ADAMTSL1: variants seen among roughly 807,000 people sequenced by gnomAD.
The protein encoded by ADAMTSL1 is ADAMTS-like protein 1.
In ADAMTSL1, 126 loss-of-function variants were observed where a neutral mutation model predicts 201.8. The observed-to-expected ratio is 0.62, with a 90% CI of 0.54 to 0.72. The LOEUF is 0.72. Ranked by LOEUF, ADAMTSL1 falls within the 30% of genes least tolerant of loss-of-function variation. The pLI is 0.00. For missense variants in ADAMTSL1, 2,679 were observed against 2,277.8 expected (o/e 1.18, Z -3.59); for synonymous variants, 1,121 against 903.4 (o/e 1.24, Z -4.32).
At chr9:18,478,605 C>T (rs866384826) in intron 1 of ADAMTSL1, among the ~76,000 whole-genome samples, 4 of 152,182 alleles carry the variant, frequency 2.6e-5, no homozygotes, top group African/African-American at 7.2e-5. Context: ...AGGAATGACA[C>T]GCTCTCAGGT....
chr9:17,955,977 A>G (rs1056368228), intron 1 of ADAMTSL1, among the ~76,000 whole-genome samples: 6 of 152,178 alleles, frequency 3.9e-5, no homozygotes, highest in Non-Finnish European at 8.8e-5. Context: ...ATTTTTTAAA[A>G]CAAATCTGAA....
rs146532022 is a variant in ADAMTSL1, at chr9:17,966,691, C to T, written c.87+59769C>T. On this transcript the variant is annotated intron_variant, in intron 1 of 29. Transcript: ENST00000680146. ...CAATTATCTGTGAAAAAATAAAGGCCGATTGGCCTTAATATTTATATCTCT... is the reference window on the plus strand; with the variant it reads ...CAATTATCTGTGAAAAAATAAAGGCTGATTGGCCTTAATATTTATATCTCT... Among the ~76,000 whole-genome samples, 1,045 of 152,130 alleles carry T rather than the reference C, an allele frequency of 6.9e-3. 16 individuals are homozygous for T. Among genetic ancestry groups the T allele is most frequent in the African/African-American group, 0.024 (991 of 41,516 alleles).
At chr9:18,839,267 A>T (rs903421279) in intron 23 of ADAMTSL1, among the ~76,000 whole-genome samples, 34 of 142,852 alleles carry the variant, frequency 2.4e-4, no homozygotes, top group Admixed American at 2.3e-3. Flanking sequence ...CCCACCTATG[A>T]GTGAGAACAT....
intron 3 of ADAMTSL1, among the ~76,000 whole-genome samples, chr9:18,567,679 G>A (rs1822007750): frequency 6.6e-6 from 1 of 152,006 alleles, no homozygotes; most frequent in Non-Finnish European, 1.5e-5. Context: ...GACCCACAGT[G>A]GATGTCTAAA....
At chr9:17,977,822 A>G (rs772500141) in intron 1 of ADAMTSL1, among the ~76,000 whole-genome samples, 8 of 152,076 alleles carry the variant, frequency 5.3e-5, no homozygotes, top group Admixed American at 2.0e-4. Context: ...TAGATGTTCT[A>G]TATTAATCTG....
At chr9:18,877,050 T>C (rs1828206550) in intron 23 of ADAMTSL1, among the ~76,000 whole-genome samples, 1 of 152,220 alleles carries the variant, frequency 6.6e-6, no homozygotes, top group Non-Finnish European at 1.5e-5. Flanking sequence ...GACTTTCCTG[T>C]GTATTTTGCA....
intron 1 of ADAMTSL1, among the ~76,000 whole-genome samples, chr9:17,980,354 CT>C (rs1818637242): frequency 6.6e-6 from 1 of 152,054 alleles, no homozygotes; most frequent in African/African-American, 2.4e-5. Flanking sequence ...CATTTTCCAT[CT>C]TTTTGCCTCC....
Position 18,777,628 on chromosome 9 carries a change from G to A in ADAMTSL1, c.3399G>A (p.Ser1133=), listed in dbSNP as rs540993813. Residue 1133 remains serine, a synonymous_variant, in exon 19 of 29, where the codon TCG becomes TCA. Coordinates refer to ENST00000380548, the MANE Select transcript of ADAMTSL1 (RefSeq NM_001040272.6). ...GCAGGACTTCCCCAGTGACTCTCTC[G>A]CCTCATAAACACGTGTCTGGCTTCA... ...SERRTSPVTL[S]PHKHVSGFSS... is the part of the protein sequence containing the mutation. 5 of 1,613,686 alleles carry A rather than the reference G, an allele frequency of 3.1e-6. No homozygotes were observed. The highest frequency in any genetic ancestry group is 1.6e-4 in the Middle Eastern group (1 of 6,062).
At position 18,775,891 on chromosome 9, in the gene ADAMTSL1, G is replaced by A. The variant is rs1164676737; in HGVS notation, c.2546G>A (p.Cys849Tyr). 6.3e-7 allele frequency: 1 copy of A among 1,591,648 alleles called. No homozygotes were observed. The highest frequency in any genetic ancestry group is 8.6e-7 in the Non-Finnish European group (1 of 1,168,130). ...ATCAGGCCCTGTATGCTGGCAACCT[G>A]TGCAAGTAAGTATGTCAGGGCTCTG... ...SSIRPCMLAT[C>Y]ARPGRPSTKH... The change falls in exon 18 of 29, where the codon TGT (cysteine) becomes TAT (tyrosine). Residue 849 changes from cysteine to tyrosine, a missense_variant. Coordinates refer to ENST00000380548, the MANE Select transcript of ADAMTSL1 (RefSeq NM_001040272.6).
At chr9:18,018,121 A>G (rs1247047002) in intron 1 of ADAMTSL1, among the ~76,000 whole-genome samples, 5 of 152,072 alleles carry the variant, frequency 3.3e-5, no homozygotes, top group Non-Finnish European at 5.9e-5. Context: ...TACAACAGAG[A>G]TGATATGTGC....
In ADAMTSL1 at chr9:18,895,123, C is replaced by G. The variant is rs148015458; in HGVS notation, c.4851+2527C>G. On this transcript the variant is annotated intron_variant, in intron 26 of 28. Coordinates refer to ENST00000380548, the MANE Select transcript of ADAMTSL1 (RefSeq NM_001040272.6). ...TCAGTGTAAAAGTAGGCACTGAAAT[C>G]AAACCAGCAATAGGTTTAGTTACAA... Among the ~76,000 whole-genome samples the G allele has an allele frequency of 3.3e-5, 5 of 152,288 alleles. No homozygotes were observed. The East Asian group carries it at 9.6e-4, about 29-fold the overall frequency.
chr9:18,049,680 G>C (rs1445889874), intron 1 of ADAMTSL1, among the ~76,000 whole-genome samples: 1 of 151,308 alleles, frequency 6.6e-6, no homozygotes, highest in Non-Finnish European at 1.5e-5. Flanking sequence ...CTGCAGTGCA[G>C]CGGTGCCATC....
At chr9:18,214,051 T>C (rs1380169600) in intron 2 of ADAMTSL1, among the ~76,000 whole-genome samples, 1 of 152,184 alleles carries the variant, frequency 6.6e-6, no homozygotes, top group African/African-American at 2.4e-5. Flanking sequence ...GAAATTTAAT[T>C]GTAATTTTAA....
At chr9:18,247,137 G>A (rs1231974817) in intron 2 of ADAMTSL1, among the ~76,000 whole-genome samples, 1 of 152,032 alleles carries the variant, frequency 6.6e-6, no homozygotes, top group Non-Finnish European at 1.5e-5. Context: ...ATATAACAAT[G>A]GAGTGTTAGA....
intron 1 of ADAMTSL1, among the ~76,000 whole-genome samples, chr9:17,958,304 G>A (rs1339492261): frequency 2.6e-5 from 4 of 152,132 alleles, no homozygotes; most frequent in Non-Finnish European, 4.4e-5. Context: ...ATGTTATAAT[G>A]TGTCTTTCCA....
At chr9:18,730,077 C>T (rs1277488642) in intron 15 of ADAMTSL1, among the ~76,000 whole-genome samples, 1 of 151,872 alleles carries the variant, frequency 6.6e-6, no homozygotes, top group Non-Finnish European at 1.5e-5. Flanking sequence ...CTAGTGTTTC[C>T]AAAGTCCTAA....
intron 23 of ADAMTSL1, among the ~76,000 whole-genome samples, chr9:18,842,054 T>C (rs1280011279): frequency 5.3e-5 from 8 of 151,072 alleles, no homozygotes; most frequent in African/African-American, 1.7e-4. Flanking sequence ...CTGCTCTGAT[T>C]TTAGTTATTT....
chr9:18,410,098 C>G (rs1230614363), intron 2 of ADAMTSL1, among the ~76,000 whole-genome samples: 1 of 151,722 alleles, frequency 6.6e-6, no homozygotes, highest in Non-Finnish European at 1.5e-5. Flanking sequence ...ATGTTTAATC[C>G]TATCCTTAGT....
At chr9:18,576,621 A>G (rs2132381253) in intron 4 of ADAMTSL1, among the ~76,000 whole-genome samples, 1 of 152,308 alleles carries the variant, frequency 6.6e-6, no homozygotes, top group Non-Finnish European at 1.5e-5. Flanking sequence ...ATAGAAGAGG[A>G]AACTGAGACC....
Sources: allele counts gnomAD v4.1 joint callset (sites outside exome capture counted in the v4.1 genomes callset), GRCh38; gene constraint gnomAD v4.1.1; transcripts MANE v1.5; gene names NCBI Gene and HGNC (gene_info 2026-07-23, HGNC 2026-07-21).